Variants in VTI1B observed in about 807,000 individuals in gnomAD.
VTI1B encodes the protein vesicle transport through interaction with t-SNAREs 1B.
A neutral mutation model predicts 28.6 loss-of-function variants in VTI1B; 18 were observed. That is an observed-to-expected ratio of 0.63 (90% CI 0.43 to 0.93). VTI1B has a LOEUF of 0.93. VTI1B is among the 40% of genes least tolerant of loss of function. The pLI is 0.00. For synonymous variants in VTI1B, 100 were observed against 107.9 expected, an observed-to-expected ratio of 0.93 and a Z score of 0.46; for missense variants, 283 against 297.0, an observed-to-expected ratio of 0.95 and a Z score of 0.35.
At chr14:67,659,008 T>C (rs2037302267) in intron 3 of VTI1B, among the ~76,000 whole-genome samples, 1 of 152,242 alleles carries the variant, frequency 6.6e-6, no homozygotes, top group African/African-American at 2.4e-5. Context: ...CTACTTTGTG[T>C]TGTGTTTGTG....
chr14:67,665,462 C>A (rs897773928), intron 1 of VTI1B, among the ~76,000 whole-genome samples: 12 of 151,706 alleles, frequency 7.9e-5, no homozygotes, highest in Non-Finnish European at 1.8e-4. Flanking sequence ...AGAGATGGGG[C>A]CTCACTATGT....
rs781167138 is a variant in VTI1B at position 67,674,465 on chromosome 14, C to T, written c.25G>A (p.Glu9Lys). 3 of 1,608,046 alleles carry T rather than the reference C, an allele frequency of 1.9e-6. No individual in the cohort carries two copies. In the South Asian group the frequency reaches 3.3e-5, roughly 18 times the overall value. MASSAASSEHFEKLHEIFR... is the reference protein window; with the variant it reads MASSAASSKHFEKLHEIFR... The stretch of plus-strand genomic sequence containing the variant: ...ATCTCGTGCAGCTTCTCGAAATGCT[C>T]CGAGGAGGCGGCGGAGGAGGCCATG... Residue 9 changes from glutamate to lysine, a missense_variant, in exon 1 of 6, where the codon GAG (glutamate) becomes AAG (lysine). Coordinates refer to ENST00000554659, the MANE Select transcript of VTI1B (RefSeq NM_006370.3).
chr14:67,673,580 A>G (rs1452375439), intron 1 of VTI1B, among the ~76,000 whole-genome samples: 2 of 152,202 alleles, frequency 1.3e-5, no homozygotes, highest in Non-Finnish European at 2.9e-5. Flanking sequence ...CTCACAATAA[A>G]TATATATTAA....
chr14:67,659,909 T>C lies in VTI1B; in HGVS notation c.188A>G (p.Glu63Gly). Residue 63 changes from glutamate (E) to glycine (G), a missense_variant, in exon 3 of 6, where the codon GAG (glutamate) becomes GGG (glycine). Coordinates refer to ENST00000554659, the MANE Select transcript of VTI1B (RefSeq NM_006370.3). ...QEANETLAEM[E>G]EELRYAPLSF... ...CAGGGGTGCATAACGTAGCTCCTCCTCCATCTCTGCCAGCTGGGAAGGCAG... is the reference window on the plus strand; with the variant it reads ...CAGGGGTGCATAACGTAGCTCCTCCCCCATCTCTGCCAGCTGGGAAGGCAG... 1 of 1,613,140 alleles carries C rather than the reference T, an allele frequency of 6.2e-7. No individual in the cohort carries two copies. Among genetic ancestry groups the C allele is most frequent in the Non-Finnish European group, 8.5e-7 (1 of 1,179,460 alleles).
At position 67,659,825 on chromosome 14, in the gene VTI1B, A is replaced by C. The variant is rs745366499; in HGVS notation, c.272T>G (p.Leu91Arg). 51 of 1,613,968 alleles carry C rather than the reference A, an allele frequency of 3.2e-5. 1 individual carries two copies. In the South Asian group the frequency reaches 5.4e-4, roughly 17 times the overall value. Residue 91 changes from leucine to arginine, a missense_variant, in exon 3 of 6, where the codon CTC becomes CGC. By Grantham distance (102) the Leu-to-Arg change is moderately radical. Transcript: ENST00000554659. Reference sequence around the variant, plus strand: ...AGGTGTGCTTCTCACCTCCCGATGGAGTTTAGCAAGGTCCTTCCGGTAGTT... The same window carrying C: ...AGGTGTGCTTCTCACCTCCCGATGGCGTTTAGCAAGGTCCTTCCGGTAGTT... Reference protein sequence around the residue: ...LRNYRKDLAKLHREVRSTPLT... With the variant: ...LRNYRKDLAKRHREVRSTPLT...
intron 1 of VTI1B, among the ~76,000 whole-genome samples, chr14:67,673,315 G>A (rs566867475): frequency 1.3e-5 from 2 of 152,094 alleles, no homozygotes; most frequent in East Asian, 3.9e-4. Context: ...CTGCACTCCA[G>A]CCTGGGTGAC....
At chr14:67,656,266 T>C in intron 4 of VTI1B, 150 bp downstream of exon 4, 2 of 707,560 alleles carry the variant, frequency 2.8e-6, no homozygotes, top group Non-Finnish European at 4.0e-6. Context: ...AAAAAATTAA[T>C]AAATAAAAAT....
intron 1 of VTI1B, chr14:67,662,894 C>T: frequency 1.7e-6 from 2 of 1,159,144 alleles, no homozygotes; most frequent in African/African-American, 1.9e-5. Context: ...TAGAGCAAGA[C>T]TCTGTCTCAA....
At chr14:67,655,258 T>C (rs562373229) in intron 4 of VTI1B, among the ~76,000 whole-genome samples, 78 of 151,296 alleles carry the variant, frequency 5.2e-4, no homozygotes, top group African/African-American at 1.8e-3. Context: ...GCCCAGGAGT[T>C]TGAAGCTACA....
intron 4 of VTI1B, among the ~76,000 whole-genome samples, chr14:67,655,385 G>A (rs1179141436): frequency 3.3e-5 from 5 of 152,246 alleles, no homozygotes; most frequent in Middle Eastern, 3.4e-3. Context: ...AAAAATAAAT[G>A]AGTTATTTTT....
chr14:67,667,080 T>C (rs2037410499), intron 1 of VTI1B, among the ~76,000 whole-genome samples: 2 of 152,174 alleles, frequency 1.3e-5, no homozygotes, highest in Non-Finnish European at 2.9e-5. Context: ...CAGTCACATG[T>C]GAGGGACTCT....
chr14:67,674,577 C>T lies in VTI1B; in HGVS notation c.-88G>A, dbSNP rs2037511033. 30 of 1,139,674 alleles carry T rather than the reference C, an allele frequency of 2.6e-5. No individual in the cohort carries two copies. The highest frequency in any genetic ancestry group is 3.4e-5 in the Admixed American group (1 of 29,316). 70.6% of individuals were successfully genotyped at this position (1,139,674 alleles called of 1,614,324 possible). ...GGCGGTCAGCCGCCCAGCCCAGTGGCCATAACGGCGACCGCCGCACCACCG... is the reference window on the plus strand; with the variant it reads ...GGCGGTCAGCCGCCCAGCCCAGTGGTCATAACGGCGACCGCCGCACCACCG... On this transcript the variant is annotated 5_prime_UTR_variant, in exon 1 of 6. Coordinates refer to ENST00000554659, the MANE Select transcript of VTI1B (RefSeq NM_006370.3).
At chr14:67,662,880 G>A (rs1015436218) in intron 1 of VTI1B, 2 of 1,178,958 alleles carry the variant, frequency 1.7e-6, no homozygotes, top group African/African-American at 3.5e-5. Context: ...TCCAGCCTGG[G>A]CAATAGAGCA....
intron 3 of VTI1B, 72 bp from the exon 4 acceptor site, chr14:67,656,661 C>T: frequency 1.3e-6 from 2 of 1,487,470 alleles, no homozygotes; most frequent in Non-Finnish European, 1.8e-6. Flanking sequence ...TTCCTCATCA[C>T]CTTCCCCATG....
intron 2 of VTI1B, among the ~76,000 whole-genome samples, chr14:67,661,529 CTTTTTTTT>C (rs35440818): frequency 9.1e-6 from 1 of 110,076 alleles, no homozygotes; most frequent in Admixed American, 1.0e-4. Flanking sequence ...GAACAGTAAC[CTTTTTTTT>C]TTTTTTTTTT....
At chr14:67,652,403 G>A (rs17104550) in intron 5 of VTI1B, 21,813 of 180,464 alleles carry the variant, frequency 0.12, 1,396 homozygotes, top group East Asian at 0.19. Flanking sequence ...ACCACAGCCA[G>A]CTGATGCATG....
At position 67,672,453 on chromosome 14, in the gene VTI1B, T is replaced by C. The variant is rs1434385215; in HGVS notation, c.115+1922A>G. Among the ~76,000 whole-genome samples the C allele has an allele frequency of 3.4e-4, 50 of 146,632 alleles. 1 individual carries two copies. The highest frequency in any genetic ancestry group is 1.2e-3 in the African/African-American group (47 of 39,890). On this transcript the variant is annotated intron_variant, in intron 1 of 5. Coordinates refer to ENST00000554659, the MANE Select transcript of VTI1B (RefSeq NM_006370.3). ...CTTTTTTTTCTTTTCTTTTCTTTTT[T>C]TTTTTTTTTTGATACAGAGTCTTGA...
chr14:67,650,946 A>AC lies in VTI1B; in HGVS notation c.*438dup, dbSNP rs2037167427. On this transcript the variant is annotated 3_prime_UTR_variant, in exon 6 of 6. Transcript: ENST00000554659. ...GAGACACTGTGCACTGACATGTTTC[A>AC]CAACAGGCATTCCAGAATTATGAGG... 1 of 1,604,532 alleles carries AC rather than the reference A, an allele frequency of 6.2e-7. No homozygotes were observed. Among genetic ancestry groups the AC allele is most frequent in the Admixed American group, 1.7e-5 (1 of 59,896 alleles).
intron 1 of VTI1B, among the ~76,000 whole-genome samples, chr14:67,663,951 T>C (rs1007392539): frequency 6.6e-6 from 1 of 152,184 alleles, no homozygotes; most frequent in Non-Finnish European, 1.5e-5. Flanking sequence ...CATTCCCTTA[T>C]ATCTAACAAG....
Sources: allele counts gnomAD v4.1 joint callset (sites outside exome capture counted in the v4.1 genomes callset), GRCh38; gene constraint gnomAD v4.1.1; transcripts MANE v1.5; gene names NCBI Gene and HGNC (gene_info 2026-07-23, HGNC 2026-07-21).